Variants in ZNF385D observed in about 807,000 individuals in gnomAD.
ZNF385D encodes the protein zinc finger protein 385D, also known as zinc finger protein 659.
In ZNF385D, 15 loss-of-function variants were observed where a neutral mutation model predicts 35.8. The ratio of observed to expected loss-of-function variants is 0.42; its 90% CI spans 0.28 to 0.64. The LOEUF (loss-of-function observed/expected upper bound fraction) is 0.64, where lower values mean the gene tolerates loss of function less well. Ranked by LOEUF, ZNF385D falls within the 30% of genes least tolerant of loss-of-function variation. The pLI is 0.23. For missense variants in ZNF385D, 474 were observed against 494.6 expected, an observed-to-expected ratio of 0.96 and a Z score of 0.39; for synonymous variants, 212 against 186.8, an observed-to-expected ratio of 1.13 and a Z score of -1.10.
intron 4 of ZNF385D, among the ~76,000 whole-genome samples, chr3:21,470,344 A>AATTTTAGAAC (rs532169753): frequency 7.9e-5 from 12 of 152,150 alleles, no homozygotes; most frequent in Non-Finnish European, 1.8e-4. Context: ...TTCTCAGCCC[A>AATTTTAGAAC]AATTCACTAG....
chr3:21,925,302 C>A (rs9881168), intron 3 of ZNF385D, among the ~76,000 whole-genome samples: 4,677 of 152,216 alleles, frequency 0.031, 243 homozygotes, highest in African/African-American at 0.1. Flanking sequence ...GATGGCCACA[C>A]AGATCAATGA....
intron 3 of ZNF385D, among the ~76,000 whole-genome samples, chr3:22,022,010 C>T (rs259435): frequency 0.52 from 78,503 of 151,886 alleles, 20,991 homozygotes; most frequent in East Asian, 0.82. Context: ...CAGAGGATTA[C>T]AGAATAAAGG....
intron 4 of ZNF385D, among the ~76,000 whole-genome samples, chr3:21,506,857 TG>T (rs1706807572): frequency 6.6e-6 from 1 of 152,152 alleles, no homozygotes; most frequent in African/African-American, 2.4e-5. Context: ...TTAGGAAGTG[TG>T]TTTTTGCCTT....
At chr3:22,161,721 G>C (rs546764214) in intron 3 of ZNF385D, among the ~76,000 whole-genome samples, 1 of 151,914 alleles carries the variant, frequency 6.6e-6, no homozygotes, top group Admixed American at 6.6e-5. Context: ...TATTTTATTC[G>C]GCACAAAATA....
chr3:21,742,037 C>T lies in ZNF385D; in HGVS notation c.22+8858G>A, dbSNP rs542291324. On this transcript the variant is annotated intron_variant, in intron 1 of 7. Coordinates refer to ENST00000281523, the MANE Select transcript of ZNF385D (RefSeq NM_024697.3). ...TGGAATGTTAAACTGCATAGCTGAA[C>T]ATTTATTTCCAAGTTGTTATTTTTC... is the stretch of plus-strand genomic sequence containing the variant. 5.7e-4 allele frequency among the ~76,000 whole-genome samples: 87 copies of T among 151,990 alleles called. 1 individual carries two copies. Among genetic ancestry groups the T allele is most frequent in the Admixed American group, 3.7e-3 (57 of 15,276 alleles).
intron 2 of ZNF385D, among the ~76,000 whole-genome samples, chr3:22,285,540 T>C (rs1205121310): frequency 6.6e-6 from 1 of 152,162 alleles, no homozygotes; most frequent in African/African-American, 2.4e-5. Flanking sequence ...CTTTATTTAT[T>C]TTTTATTATA....
At chr3:21,776,871 C>T (rs1392038899) in intron 3 of ZNF385D, among the ~76,000 whole-genome samples, 1 of 151,892 alleles carries the variant, frequency 6.6e-6, no homozygotes, top group Non-Finnish European at 1.5e-5. Context: ...TTTCTCCTGT[C>T]CAAAGACACA....
chr3:21,415,339 A>G lies in ZNF385D; in HGVS notation c.*5875T>C, dbSNP rs1244931648. The stretch of plus-strand genomic sequence containing the variant: ...AAGTCAGTAGCTGATGTGAAATGAT[A>G]CAATTGTATGACCCAACTCAAACTG... On this transcript the variant is annotated 3_prime_UTR_variant, in exon 8 of 8. Coordinates refer to ENST00000281523, the MANE Select transcript of ZNF385D (RefSeq NM_024697.3). 1 of 152,116 alleles carries G rather than the reference A, an allele frequency of 6.6e-6. No homozygotes were observed. Among genetic ancestry groups the G allele is most frequent in the East Asian group, 1.9e-4 (1 of 5,188 alleles). The allele number at this position is 152,116 out of a possible 1,614,324, so 9.4% of individuals were successfully genotyped here.
chr3:22,354,546 A>G (rs1696062219), intron 2 of ZNF385D, among the ~76,000 whole-genome samples: 1 of 152,112 alleles, frequency 6.6e-6, no homozygotes, highest in Non-Finnish European at 1.5e-5. Flanking sequence ...AATTGTATTC[A>G]TTCAATTAAA....
At chr3:21,603,209 C>G (rs1226404427) in intron 2 of ZNF385D, among the ~76,000 whole-genome samples, 1 of 152,136 alleles carries the variant, frequency 6.6e-6, no homozygotes, top group South Asian at 2.1e-4. Flanking sequence ...TTTAACTAGG[C>G]TATTAAAAGG....
intron 3 of ZNF385D, among the ~76,000 whole-genome samples, chr3:21,793,025 A>C (rs984691441): frequency 6.6e-6 from 1 of 152,214 alleles, no homozygotes; most frequent in Non-Finnish European, 1.5e-5. Flanking sequence ...GGCTGTAGGG[A>C]GTAGACAACA....
intron 3 of ZNF385D, among the ~76,000 whole-genome samples, chr3:21,921,769 A>G (rs565010920): frequency 6.6e-6 from 1 of 151,886 alleles, no homozygotes; most frequent in Non-Finnish European, 1.5e-5. Flanking sequence ...TGGAAACACA[A>G]TCTCCCAAGA....
At chr3:22,350,458 A>C (rs1015249026) in intron 2 of ZNF385D, among the ~76,000 whole-genome samples, 2 of 152,126 alleles carry the variant, frequency 1.3e-5, no homozygotes, top group African/African-American at 4.8e-5. Context: ...ATTAATGATC[A>C]AAGTTCTAAC....
chr3:22,098,563 G>C (rs897230833), intron 3 of ZNF385D, among the ~76,000 whole-genome samples: 1 of 152,054 alleles, frequency 6.6e-6, no homozygotes, highest in Non-Finnish European at 1.5e-5. Context: ...ACAACAGCAA[G>C]TAGAGGATTT....
intron 3 of ZNF385D, among the ~76,000 whole-genome samples, chr3:21,890,091 C>T (rs769103431): frequency 6.6e-6 from 1 of 152,092 alleles, no homozygotes; most frequent in Non-Finnish European, 1.5e-5. Flanking sequence ...TTCAGCTGTA[C>T]TGTGGATTTG....
chr3:22,019,156 C>T (rs1231636738), intron 3 of ZNF385D, among the ~76,000 whole-genome samples: 1 of 143,378 alleles, frequency 7.0e-6, no homozygotes, highest in African/African-American at 2.6e-5. Context: ...CTATAATAAA[C>T]CCAGATCTGT....
At chr3:22,261,737 G>A (rs1373803996) in intron 2 of ZNF385D, among the ~76,000 whole-genome samples, 1 of 151,928 alleles carries the variant, frequency 6.6e-6, no homozygotes, top group East Asian at 1.9e-4. Flanking sequence ...CCAGGTTGTC[G>A]TGTTCCTCTA....
At position 22,167,405 on chromosome 3, in the gene ZNF385D, G is replaced by A. The variant is rs146811652; in HGVS notation, c.325+1412C>T. 1.3e-3 allele frequency among the ~76,000 whole-genome samples: 201 copies of A among 152,270 alleles called. 2 individuals are homozygous for A. In the South Asian group the frequency reaches 0.028, roughly 21 times the overall value. On this transcript the variant is annotated intron_variant, in intron 3 of 5. Coordinates refer to the ZNF385D transcript ENST00000494108. The stretch of plus-strand genomic sequence containing the variant: ...GGAGAAACTACCCAACTGTGGGGGT[G>A]GAGGACCACCCACGCATCCCCTCTC...
chr3:22,157,343 T>C (rs1274859447), intron 3 of ZNF385D, among the ~76,000 whole-genome samples: 1 of 152,152 alleles, frequency 6.6e-6, no homozygotes, highest in Non-Finnish European at 1.5e-5. Flanking sequence ...ATGTTACTCA[T>C]CATTTATATT....
Sources: gnomAD v4.1 joint callset for allele counts (sites outside exome capture counted in the v4.1 genomes callset) on GRCh38, gnomAD v4.1.1 for gene constraint, MANE v1.5 for transcripts, NCBI Gene and HGNC (gene_info 2026-07-23, HGNC 2026-07-21) for gene names.